CFAP47: variants seen among roughly 807,000 people sequenced by gnomAD.
The protein encoded by CFAP47 is cilia and flagella associated protein 47, also known as cilia- and flagella-associated protein 47.
Under a neutral mutation model 148.1 loss-of-function variants are expected in CFAP47, and 29 were observed. The ratio of observed to expected loss-of-function variants is 0.20; its 90% CI spans 0.15 to 0.27. CFAP47 has a LOEUF of 0.27. CFAP47 is among the 10% of genes least tolerant of loss of function. The pLI, the probability that CFAP47 is intolerant of heterozygous loss-of-function variation, is 1.00. For missense variants in CFAP47, 1,872 were observed against 1,697.5 expected (o/e 1.10, Z -1.81); for synonymous variants, 664 against 577.3 (o/e 1.15, Z -2.15).
chrX:35,991,044 T>C (rs765731481), intron 16 of CFAP47, among the ~76,000 whole-genome samples: 283 of 111,956 alleles, frequency 2.5e-3, no homozygotes, highest in Middle Eastern at 9.2e-3. Flanking sequence ...AAACTGCATA[T>C]GTTTGTTGAA....
At chrX:36,057,620 T>C (rs1163032097) in intron 26 of CFAP47, among the ~76,000 whole-genome samples, 1 of 111,648 alleles carries the variant, frequency 9.0e-6, no homozygotes, top group Non-Finnish European at 1.9e-5. Context: ...TTGGTAAAAC[T>C]GCAAACCTTC....
rs1936859819 is a variant in CFAP47, at chrX:35,997,321, C to T, written c.3109C>T (p.Arg1037Cys). 1 of 294,599 alleles carries T rather than the reference C, an allele frequency of 3.4e-6. No homozygotes were observed. Among genetic ancestry groups the T allele is most frequent in the Non-Finnish European group, 5.9e-6 (1 of 168,389 alleles). 24.3% of individuals were successfully genotyped at this position (294,599 alleles called of 1,213,427 possible). A position where few individuals can be genotyped will look rare whatever the true frequency, so the allele number is the denominator to read the frequency against. Residue 1037 changes from arginine to cysteine, a missense_variant, in exon 19 of 64, where the codon CGT becomes TGT. Arg to Cys is a radical substitution (Grantham distance 180, BLOSUM62 -3). Coordinates refer to ENST00000378653, the MANE Select transcript of CFAP47 (RefSeq NM_001304548.2). ...KFDTRAKVSI[R>C]HANVIDLRIG... is the part of the protein sequence containing the mutation. ...ATTTCTCCTAAATAAGGTTTCTATT[C>T]GTCATGCGAATGTTATAGACCTTAG...
At chrX:36,376,179 G>A (rs1368553073) in intron 62 of CFAP47, among the ~76,000 whole-genome samples, 6 of 112,191 alleles carry the variant, frequency 5.3e-5, no homozygotes, top group African/African-American at 1.9e-4. Context: ...TAGAGATTCT[G>A]GAGGCCTTGC....
chrX:36,019,376 C>T (rs961029105), intron 22 of CFAP47, among the ~76,000 whole-genome samples: 6 of 111,851 alleles, frequency 5.4e-5, no homozygotes, highest in Middle Eastern at 4.6e-3. Flanking sequence ...AAACTTCTGC[C>T]GACCTCCTCC....
intron 26 of CFAP47, among the ~76,000 whole-genome samples, chrX:36,051,371 C>T (rs925113288): frequency 5.4e-5 from 6 of 112,099 alleles, no homozygotes; most frequent in African/African-American, 1.9e-4. Flanking sequence ...TGCAATGCCA[C>T]AGGGGTGGAG....
chrX:36,372,354 T>C (rs1556022104), intron 62 of CFAP47, among the ~76,000 whole-genome samples: 1 of 111,772 alleles, frequency 8.9e-6, no homozygotes, highest in Non-Finnish European at 1.9e-5. Context: ...TGTGTGATAT[T>C]CTGACGTAGT....
intron 24 of CFAP47, among the ~76,000 whole-genome samples, chrX:36,037,780 ATT>A (rs1937355937): frequency 9.0e-6 from 1 of 111,035 alleles, no homozygotes; most frequent in Non-Finnish European, 1.9e-5. Context: ...CTCTGAAATT[ATT>A]TTTTCTCCCC....
At chrX:35,983,792 T>G (rs1197301813) in intron 15 of CFAP47, among the ~76,000 whole-genome samples, 2 of 112,204 alleles carry the variant, frequency 1.8e-5, no homozygotes, top group Non-Finnish European at 1.9e-5. Context: ...TGAACCAACC[T>G]GTGTCTCTTG....
chrX:36,065,476 T>A (rs1196742026), intron 26 of CFAP47, among the ~76,000 whole-genome samples, 167 bp from the exon 27 acceptor site: 1 of 111,938 alleles, frequency 8.9e-6, no homozygotes, highest in East Asian at 2.8e-4. Flanking sequence ...AGTAAAAATT[T>A]TAAAAATCAT....
chrX:36,327,220 G>A (rs1384184238), intron 57 of CFAP47, among the ~76,000 whole-genome samples: 1 of 111,851 alleles, frequency 8.9e-6, no homozygotes, highest in Non-Finnish European at 1.9e-5. Context: ...CTTTACATCT[G>A]ACAAAGGTCT....
chrX:35,935,732 T>C (rs779810651), intron 2 of CFAP47, among the ~76,000 whole-genome samples: 1 of 111,051 alleles, frequency 9.0e-6, no homozygotes, highest in Non-Finnish European at 1.9e-5. Context: ...TTGTCTAATG[T>C]CTGTATTTCC....
At chrX:36,259,608 T>A (rs1318062113) in intron 49 of CFAP47, among the ~76,000 whole-genome samples, 1 of 111,641 alleles carries the variant, frequency 9.0e-6, no homozygotes, top group East Asian at 2.8e-4. Flanking sequence ...GGCACATCGT[T>A]TGTCAATGGC....
intron 13 of CFAP47, among the ~76,000 whole-genome samples, chrX:35,972,926 A>C (rs1214084032): frequency 9.0e-6 from 1 of 111,634 alleles, no homozygotes; most frequent in Non-Finnish European, 1.9e-5. Context: ...AATGTTTTCC[A>C]AAGTGATTGC....
chrX:36,020,193 G>T (rs1937141753), intron 22 of CFAP47, among the ~76,000 whole-genome samples: 1 of 112,058 alleles, frequency 8.9e-6, no homozygotes, highest in African/African-American at 3.2e-5. Context: ...ATTGTAGTCA[G>T]AGAAGATGCT....
chrX:36,158,539 A>G (rs1246270078), intron 37 of CFAP47, among the ~76,000 whole-genome samples: 1 of 112,226 alleles, frequency 8.9e-6, no homozygotes, highest in Non-Finnish European at 1.9e-5. Context: ...CCTCTTGCTG[A>G]GGAGCTAAAT....
chrX:35,965,204 G>C (rs1336383961), intron 8 of CFAP47, among the ~76,000 whole-genome samples: 3 of 111,511 alleles, frequency 2.7e-5, no homozygotes, highest in African/African-American at 9.7e-5. Flanking sequence ...AGCCAATAAA[G>C]TCTCTACTCA....
intron 29 of CFAP47, among the ~76,000 whole-genome samples, chrX:36,083,197 C>T (rs1461687184): frequency 9.1e-6 from 1 of 110,081 alleles, no homozygotes; most frequent in Admixed American, 9.7e-5. Context: ...GAACATTTGA[C>T]TTTTATTTAT....
intron 45 of CFAP47, among the ~76,000 whole-genome samples, chrX:36,221,366 G>A (rs1940211758): frequency 9.0e-6 from 1 of 111,309 alleles, no homozygotes; most frequent in African/African-American, 3.3e-5. Context: ...TTGAATATTT[G>A]GGGCAATGAA....
At chrX:36,127,244 T>C (rs1394081723) in intron 33 of CFAP47, among the ~76,000 whole-genome samples, 1 of 112,148 alleles carries the variant, frequency 8.9e-6, no homozygotes, top group Non-Finnish European at 1.9e-5. Flanking sequence ...GTTTAAGTCT[T>C]TAATCCAACT....
Sources: allele counts gnomAD v4.1 joint callset (sites outside exome capture counted in the v4.1 genomes callset), GRCh38; gene constraint gnomAD v4.1.1; transcripts MANE v1.5; gene names NCBI Gene and HGNC (gene_info 2026-07-23, HGNC 2026-07-21).